Variants in GPR142 observed in about 807,000 individuals in gnomAD.
The protein encoded by GPR142 is G-protein coupled receptor 142 long form.
Under a neutral mutation model 10.6 loss-of-function variants are expected in GPR142, and 9 were observed. The observed-to-expected ratio is 0.85, with a 90% confidence interval of 0.51 to 1.48. The LOEUF (loss-of-function observed/expected upper bound fraction) is 1.48, where lower values mean the gene tolerates loss of function less well. Among genes scored for constraint, GPR142 ranks in the 40% most tolerant of loss-of-function variants. The pLI, the probability that GPR142 is intolerant of heterozygous loss-of-function variation, is 0.00. For synonymous variants in GPR142, 202 were observed against 221.2 expected (o/e 0.91, Z 0.77); for missense variants, 482 against 506.0 (o/e 0.95, Z 0.45).
intron 3 of GPR142, among the ~76,000 whole-genome samples, chr17:74,370,944 G>A (rs1425109793): frequency 6.6e-6 from 1 of 152,152 alleles, no homozygotes; most frequent in Non-Finnish European, 1.5e-5. Flanking sequence ...AACTGGCTCA[G>A]CTCAGTACAA....
intron 3 of GPR142, among the ~76,000 whole-genome samples, chr17:74,370,995 G>A (rs1322419932): frequency 6.6e-6 from 1 of 152,146 alleles, no homozygotes; most frequent in Non-Finnish European, 1.5e-5. Flanking sequence ...GCAGAGCTTG[G>A]GGCAGAGGTG....
rs759796999 is a variant in GPR142, at chr17:74,371,956, G to A, written c.481G>A (p.Ala161Thr). Residue 161 changes from alanine to threonine, a missense_variant, in exon 4 of 4, where the codon GCC (alanine) becomes ACC (threonine). Coordinates refer to ENST00000582579, the MANE Select transcript of GPR142 (RefSeq NM_001331076.1). ...FAANHASVWI[A>T]ILLTVDRYTA... ...TGCCAACCACGCCTCAGTCTGGATCGCCATCCTGCTCACGGTTGACCGCTA... is the reference window on the plus strand; with the variant it reads ...TGCCAACCACGCCTCAGTCTGGATCACCATCCTGCTCACGGTTGACCGCTA... 1.2e-4 allele frequency: 199 copies of A among 1,612,412 alleles called. No individual in the cohort carries two copies. The highest frequency in any genetic ancestry group is 1.5e-4 in the Non-Finnish European group (175 of 1,180,002).
chr17:74,370,193 C>CCCGTGAT (rs112412405), intron 2 of GPR142, among the ~76,000 whole-genome samples: 98,213 of 151,260 alleles, frequency 0.65, 31,880 homozygotes, highest in East Asian at 0.76. Context: ...GACAAGTGCC[C>CCCGTGAT]CCTGTTTCAG....
intron 2 of GPR142, among the ~76,000 whole-genome samples, 176 bp from the exon 3 acceptor site, chr17:74,370,345 G>A (rs62063609): frequency 0.24 from 35,764 of 152,010 alleles, 4,621 homozygotes; most frequent in Middle Eastern, 0.37. Context: ...TGGGGTGGGG[G>A]TGAGGGTGGT....
Position 74,367,757 on chromosome 17 carries a change from A to G in GPR142, c.-111A>G, listed in dbSNP as rs1355455958. 6.2e-7 allele frequency: 1 copy of G among 1,613,140 alleles called. No homozygotes were observed. Among genetic ancestry groups the G allele is most frequent in the Admixed American group, 1.7e-5 (1 of 59,944 alleles). On this transcript the variant is annotated 5_prime_UTR_variant, in exon 1 of 4. Transcript: ENST00000582579. ...CCAGCAGTTTCCGCCAGGTGAATCC[A>G]GCTGCCTCCCAGAACAGGCCTTCTA...
chr17:74,370,225 G>A (rs2055012698), intron 2 of GPR142, among the ~76,000 whole-genome samples: 1 of 152,144 alleles, frequency 6.6e-6, no homozygotes, highest in East Asian at 1.9e-4. Context: ...GGCCGGGTGA[G>A]GGCCCATGGG....
At chr17:74,368,019 ACCTGTAATC>A (rs1177812829) in intron 1 of GPR142, among the ~76,000 whole-genome samples, 1 of 152,136 alleles carries the variant, frequency 6.6e-6, no homozygotes, top group African/African-American at 2.4e-5. Flanking sequence ...GGTGACTCAC[ACCTGTAATC>A]CCAGCTCTTT....
At chr17:74,371,700 C>T in intron 3 of GPR142, 29 bp from the exon 4 acceptor site, 1 of 1,572,856 alleles carries the variant, frequency 6.4e-7, no homozygotes, top group Non-Finnish European at 8.6e-7. Flanking sequence ...TCTGATGCCT[C>T]TCCCCTCCCT....
rs1567936955 is a variant in GPR142 at position 74,370,612 on chromosome 17, G to C, written c.186G>C (p.Arg62Ser). 6.2e-7 allele frequency: 1 copy of C among 1,614,062 alleles called. No homozygotes were observed. The highest frequency in any genetic ancestry group is 8.5e-7 in the Non-Finnish European group (1 of 1,179,992). ...FESHWPEIAE[R>S]SPCVAGVIPV... ...GCCACTGGCCAGAGATCGCAGAGAG[G>C]TCCCCGTGTGTGGCTGGCGTCATCC... The change falls in exon 3 of 4, where the codon AGG becomes AGC. Residue 62 changes from arginine to serine, a missense_variant. Coordinates refer to ENST00000582579, the MANE Select transcript of GPR142 (RefSeq NM_001331076.1).
At chr17:74,371,174 T>TTTTTTTG (rs2055021658) in intron 3 of GPR142, among the ~76,000 whole-genome samples, 1 of 149,998 alleles carries the variant, frequency 6.7e-6, no homozygotes, top group Non-Finnish European at 1.5e-5. Flanking sequence ...TTTTTTTTTT[T>TTTTTTTG]GAGATGGAGT....
chr17:74,371,590 A>T, intron 3 of GPR142, 139 bp from the exon 4 acceptor site: 1 of 917,854 alleles, frequency 1.1e-6, no homozygotes, highest in Non-Finnish European at 1.6e-6. Flanking sequence ...GGGTTTCAGA[A>T]GGATCTGGAA....
At position 74,371,157 on chromosome 17, in the gene GPR142, A is replaced by C. The variant is rs534022359; in HGVS notation, c.253+478A>C. Among the ~76,000 whole-genome samples, 47 of 33,718 alleles carry C rather than the reference A, an allele frequency of 1.4e-3. No individual in the cohort carries two copies. In the East Asian group the frequency reaches 0.059, roughly 43 times the overall value. The allele number at this position is 33,718 out of a possible 152,430, so 22.1% of individuals were successfully genotyped here. Reference sequence around the variant, plus strand: ...TGGAGGACAATGCCATAGGACAGGTAGCTTTTTTTTTTTTTTTGAGATGGA... The same window carrying C: ...TGGAGGACAATGCCATAGGACAGGTCGCTTTTTTTTTTTTTTTGAGATGGA... On this transcript the variant is annotated intron_variant, in intron 3 of 3. Coordinates refer to ENST00000582579, the MANE Select transcript of GPR142 (RefSeq NM_001331076.1).
Position 74,369,333 on chromosome 17 carries a change from C to A in GPR142, c.-73-135C>A. Reference sequence around the variant, plus strand: ...CTGAAGCTGAAGCCCCTGCCCAGCCCGACCCCTTCCCCTGCCTGTGCGCCT... The same window carrying A: ...CTGAAGCTGAAGCCCCTGCCCAGCCAGACCCCTTCCCCTGCCTGTGCGCCT... On this transcript the variant is annotated intron_variant, in intron 1 of 3. Transcript: ENST00000582579. 3 of 746,934 alleles carry A rather than the reference C, an allele frequency of 4.0e-6. No individual in the cohort carries two copies. In the South Asian group the frequency reaches 5.4e-5, roughly 13 times the overall value. The allele number at this position is 746,934 out of a possible 1,614,324, so 46.3% of individuals were successfully genotyped here. A position where few individuals can be genotyped will look rare whatever the true frequency, so the allele number is the denominator to read the frequency against.
At chr17:74,368,895 G>T (rs568621178) in intron 1 of GPR142, among the ~76,000 whole-genome samples, 1 of 152,104 alleles carries the variant, frequency 6.6e-6, no homozygotes, top group African/African-American at 2.4e-5. Context: ...CCCTGTGCAC[G>T]GCTGCCTGCC....
At chr17:74,368,250 C>T (rs944149972) in intron 1 of GPR142, among the ~76,000 whole-genome samples, 1 of 152,228 alleles carries the variant, frequency 6.6e-6, no homozygotes, top group Non-Finnish European at 1.5e-5. Flanking sequence ...CCTCTCACCC[C>T]TAGCCTCCTG....
At position 74,370,716 on chromosome 17, in the gene GPR142, G is replaced by A. The variant is rs1259454299; in HGVS notation, c.253+37G>A. 3.8e-6 allele frequency: 6 copies of A among 1,584,276 alleles called. No homozygotes were observed. In the Admixed American group the frequency reaches 5.2e-5, roughly 14 times the overall value. Reference sequence around the variant, plus strand: ...GCTGGGGTCTGGGGACTTGGGCTTGGCCAGAAATGGGGATCCTCCTTCAAT... The same window carrying A: ...GCTGGGGTCTGGGGACTTGGGCTTGACCAGAAATGGGGATCCTCCTTCAAT... On this transcript the variant is annotated intron_variant, in intron 3 of 3. Transcript: ENST00000582579.
Position 74,370,510 on chromosome 17 carries a change from G to A in GPR142, c.95-11G>A, listed in dbSNP as rs374337165. On this transcript the variant is annotated splice_polypyrimidine_tract_variant and intron_variant, in intron 2 of 3. Coordinates refer to ENST00000582579, the MANE Select transcript of GPR142 (RefSeq NM_001331076.1). ...CCAGAGGCTCTGACTCTGCCCATCC[G>A]CACCTTCTAGCTGGCCAGCCACGAG... The A allele has an allele frequency of 9.4e-6, 15 of 1,603,288 alleles. No homozygotes were observed. Among genetic ancestry groups the A allele is most frequent in the Non-Finnish European group, 1.2e-5 (14 of 1,174,216 alleles).
rs2055036069 is a variant in GPR142 at position 74,372,348 on chromosome 17, C to T, written c.873C>T (p.Tyr291=). 1.2e-6 allele frequency: 2 copies of T among 1,614,096 alleles called. No homozygotes were observed. Among genetic ancestry groups the T allele is most frequent in the South Asian group, 1.1e-5 (1 of 91,074 alleles). The part of the protein sequence containing the change: ...LWAPRVFVML[Y]HMYVAPVHRD... The stretch of plus-strand genomic sequence containing the variant: ...CGCCCCGGGTCTTCGTCATGCTCTA[C>T]CACATGTACGTGGCCCCTGTCCACC... Residue 291 remains tyrosine, a synonymous_variant, in exon 4 of 4, where the codon TAC becomes TAT. Coordinates refer to ENST00000582579, the MANE Select transcript of GPR142 (RefSeq NM_001331076.1).
chr17:74,369,382 C>T lies in GPR142; in HGVS notation c.-73-86C>T, dbSNP rs562085851. ...CTTAGAGCACCCTGGTTTGCTCCACCAGCATCTACTCTAGCTCTTTCCCCG... is the reference window on the plus strand; with the variant it reads ...CTTAGAGCACCCTGGTTTGCTCCACTAGCATCTACTCTAGCTCTTTCCCCG... On this transcript the variant is annotated intron_variant, in intron 1 of 3. Transcript: ENST00000582579. 125 of 1,347,098 alleles carry T rather than the reference C, an allele frequency of 9.3e-5. No individual in the cohort carries two copies. In the African/African-American group the frequency reaches 1.6e-3, roughly 17 times the overall value. 83.4% of individuals were successfully genotyped at this position (1,347,098 alleles called of 1,614,324 possible).
Sources: gnomAD v4.1 joint callset for allele counts (sites outside exome capture counted in the v4.1 genomes callset) on GRCh38, gnomAD v4.1.1 for gene constraint, MANE v1.5 for transcripts, NCBI Gene and HGNC (gene_info 2026-07-23, HGNC 2026-07-21) for gene names.